Variants in HABP4 observed in about 807,000 individuals in gnomAD.
HABP4 encodes the protein intracellular hyaluronan-binding protein 4.
In HABP4, 32 loss-of-function variants were observed where a neutral mutation model predicts 44.1. That is an observed-to-expected ratio of 0.73 (90% CI 0.55 to 0.97). The LOEUF (loss-of-function observed/expected upper bound fraction) is 0.97, where lower values mean the gene tolerates loss of function less well. Among genes scored for constraint, HABP4 ranks in the 50% least tolerant of loss-of-function variants. HABP4 has a pLI of 0.00. For missense variants in HABP4, 503 were observed against 561.9 expected (o/e 0.90, Z 1.06); for synonymous variants, 216 against 218.0 (o/e 0.99, Z 0.08).
chr9:96,483,751 A>G (rs1287233609), intron 5 of HABP4: 1 of 152,204 alleles, frequency 6.6e-6, no homozygotes, highest in Admixed American at 6.5e-5. Flanking sequence ...ACCATTGCCC[A>G]GTCCAGGGTT....
rs768573343 is a variant in HABP4 at position 96,490,014 on chromosome 9, G to A, written c.1218G>A (p.Pro406=). The change falls in exon 8 of 8, where the codon CCG becomes CCA. Residue 406 remains proline (P), a synonymous_variant. Coordinates refer to ENST00000375249, the MANE Select transcript of HABP4 (RefSeq NM_014282.4). ...ATGTTGCCCCCAACCCAGATGACCC[G>A]GAAGATTTCCCTGCGCTGTCTTGAA... The part of the protein sequence containing the change: ...MQDVAPNPDD[P]EDFPALS 20 of 1,604,980 alleles carry A rather than the reference G, an allele frequency of 1.2e-5. No individual in the cohort carries two copies. Among genetic ancestry groups the A allele is most frequent in the South Asian group, 3.3e-5 (3 of 90,878 alleles).
intron 1 of HABP4, chr9:96,451,476 C>T (rs1450564072): frequency 6.1e-6 from 6 of 984,644 alleles, no homozygotes; most frequent in South Asian, 9.4e-5. Flanking sequence ...AATGAGGCAG[C>T]GGTCCCAAGG....
intron 2 of HABP4, among the ~76,000 whole-genome samples, chr9:96,464,183 C>T (rs1224143830): frequency 1.3e-5 from 2 of 152,064 alleles, no homozygotes; most frequent in Non-Finnish European, 2.9e-5. Context: ...ATAAGGGCTC[C>T]GCGTTGGGCA....
rs753920168 is a variant in HABP4 at position 96,450,458 on chromosome 9, AGGC to A, written c.192_194del (p.Ala65del). On this transcript the variant is annotated inframe_deletion, in exon 1 of 8. Transcript: ENST00000375249. The surrounding 1 kb of genome is among the most constrained non-coding windows in gnomAD (Gnocchi z 4.8). Reference sequence around the variant, plus strand: ...CAGCTGCAGCGCAAGAGGCGCGACGAGGCGGCGGCGGCGGCCGGGGCCGGTCCC... The same window carrying A: ...CAGCTGCAGCGCAAGAGGCGCGACGAGGCGGCGGCGGCCGGGGCCGGTCCC... 62 of 1,215,828 alleles carry A rather than the reference AGGC, an allele frequency of 5.1e-5. No homozygotes were observed. Among genetic ancestry groups the A allele is most frequent in the South Asian group, 1.7e-4 (5 of 30,192 alleles). 75.3% of individuals were successfully genotyped at this position (1,215,828 alleles called of 1,614,324 possible). A position where few individuals can be genotyped will look rare whatever the true frequency, so the allele number is the denominator to read the frequency against.
chr9:96,458,405 G>C lies in HABP4; in HGVS notation c.376G>C (p.Glu126Gln). ...PGQKRTPRRGEQQGWNDSRGP... is the reference protein window; with the variant it reads ...PGQKRTPRRGQQQGWNDSRGP... ...CCAGAAGCGGACTCCTAGAAGAGGG[G>C]AGCAGCAAGGATGGAATGACAGCCG... The change falls in exon 2 of 8, where the codon GAG (glutamate) becomes CAG (glutamine). Residue 126 changes from glutamate (E) to glutamine (Q), a missense_variant. Glu to Gln is a conservative substitution (Grantham distance 29, BLOSUM62 2). Around this residue, in one of 3 missense-constraint regions of HABP4, gnomAD observed 290 missense variants for 300.5 expected, o/e 0.97. Coordinates refer to ENST00000375249, the MANE Select transcript of HABP4 (RefSeq NM_014282.4). The C allele has an allele frequency of 6.2e-7, 1 of 1,614,068 alleles. No homozygotes were observed. Among genetic ancestry groups the C allele is most frequent in the Non-Finnish European group, 8.5e-7 (1 of 1,179,972 alleles).
chr9:96,473,544 C>G lies in HABP4; in HGVS notation c.827+2450C>G, dbSNP rs141083463. On this transcript the variant is annotated intron_variant, in intron 5 of 7. Transcript: ENST00000375249. ...GCCAAGGTGGTGTTCACACCGCATT[C>G]TGATTGTCATGCCCCCACCCCTTGC... 4.7e-3 allele frequency among the ~76,000 whole-genome samples: 717 copies of G among 152,314 alleles called. 6 individuals are homozygous for G. Among genetic ancestry groups the G allele is most frequent in the African/African-American group, 0.017 (693 of 41,558 alleles).
intron 5 of HABP4, among the ~76,000 whole-genome samples, chr9:96,475,573 A>C (rs1832773910): frequency 6.6e-6 from 1 of 152,330 alleles, no homozygotes; most frequent in Non-Finnish European, 1.5e-5. Flanking sequence ...CACCTGGCTC[A>C]TGTGCAGAGC....
chr9:96,472,568 C>A (rs558334715), intron 5 of HABP4, among the ~76,000 whole-genome samples: 1 of 152,316 alleles, frequency 6.6e-6, no homozygotes, highest in East Asian at 1.9e-4. Context: ...GCCATCCCCC[C>A]CGACCTCTTC....
chr9:96,488,161 G>C lies in HABP4; in HGVS notation c.1072G>C (p.Glu358Gln). ...KPANDITSQL[E>Q]INFGNLPRPG... ...CGCCAATGACATCACATCCCAGCTG[G>C]AGATTAATTTTGGTAACCTCCCTCG... Residue 358 changes from glutamate to glutamine, a missense_variant, in exon 7 of 8, where the codon GAG (glutamate) becomes CAG (glutamine). This residue lies in a region of HABP4 where 131 missense variants were observed against 189.8 expected (regional missense o/e 0.69). Coordinates refer to ENST00000375249, the MANE Select transcript of HABP4 (RefSeq NM_014282.4). This position sits in a 1 kb window ranked among gnomAD's most constrained non-coding sequence, Gnocchi z 4.6. 1 of 1,613,410 alleles carries C rather than the reference G, an allele frequency of 6.2e-7. No individual in the cohort carries two copies. Among genetic ancestry groups the C allele is most frequent in the East Asian group, 2.2e-5 (1 of 44,880 alleles).
intron 4 of HABP4, among the ~76,000 whole-genome samples, chr9:96,469,673 C>G (rs1832661159): frequency 6.6e-6 from 1 of 152,138 alleles, no homozygotes; most frequent in Non-Finnish European, 1.5e-5. Context: ...CAGGCACCCG[C>G]CACCACGCCC....
intron 4 of HABP4, 100 bp from the exon 5 acceptor site, chr9:96,470,910 AC>A (rs1171286603): frequency 1.9e-5 from 14 of 721,642 alleles, no homozygotes; most frequent in African/African-American, 3.8e-5. Flanking sequence ...AAAAAAAAAA[AC>A]CCAAAAAACC....
intron 1 of HABP4, among the ~76,000 whole-genome samples, chr9:96,453,304 G>T (rs959773068): frequency 6.6e-6 from 1 of 152,008 alleles, no homozygotes; most frequent in African/African-American, 2.4e-5. Flanking sequence ...TCGATCTCTT[G>T]ACCTCATGAT....
intron 1 of HABP4, among the ~76,000 whole-genome samples, chr9:96,456,780 A>AT (rs1165644914): frequency 3.6e-4 from 16 of 44,750 alleles, no homozygotes; most frequent in Admixed American, 7.5e-4. Context: ...AAAAAAAAAA[A>AT]ATATATATAT....
intron 5 of HABP4, among the ~76,000 whole-genome samples, chr9:96,472,683 GT>G (rs555871710): frequency 7.0e-4 from 107 of 152,218 alleles, no homozygotes; most frequent in African/African-American, 2.6e-3. Context: ...TAGTCTTCCA[GT>G]CAGCATTTAA....
chr9:96,464,129 G>A (rs1414046953), intron 2 of HABP4, among the ~76,000 whole-genome samples: 1 of 152,168 alleles, frequency 6.6e-6, no homozygotes, highest in African/African-American at 2.4e-5. Flanking sequence ...GGGAGGAGTG[G>A]CTTGGGCTCT....
upstream of HABP4, chr9:96,450,152 T>C: frequency 1.2e-6 from 1 of 859,130 alleles, no homozygotes; most frequent in Non-Finnish European, 1.5e-6. The surrounding 1 kb of genome is among the most constrained non-coding windows in gnomAD (Gnocchi z 4.8). Context: ...CGGGCGCCGG[T>C]AGGGGCCGGA....
At chr9:96,473,616 G>C (rs199977041) in intron 5 of HABP4, among the ~76,000 whole-genome samples, 2 of 152,112 alleles carry the variant, frequency 1.3e-5, no homozygotes, top group East Asian at 3.9e-4. Context: ...CCCCTGTTCT[G>C]ACCTGCAGAG....
In HABP4 at chr9:96,450,233, C is replaced by G; in HGVS notation, c.-47C>G. 2.2e-5 allele frequency: 29 copies of G among 1,321,656 alleles called. No individual in the cohort carries two copies. The highest frequency in any genetic ancestry group is 5.4e-5 in the South Asian group (3 of 55,104). The allele number at this position is 1,321,656 out of a possible 1,614,324, so 81.9% of individuals were successfully genotyped here. Reference sequence around the variant, plus strand: ...GTCCTGGCCGCCGGCTTCGCTGAGACGCGCTCGCGTGGGCTGCCCTCCCGG... The same window carrying G: ...GTCCTGGCCGCCGGCTTCGCTGAGAGGCGCTCGCGTGGGCTGCCCTCCCGG... On this transcript the variant is annotated 5_prime_UTR_variant, in exon 1 of 8. Transcript: ENST00000375249. This position sits in a 1 kb window ranked among gnomAD's most constrained non-coding sequence, Gnocchi z 4.8.
intron 5 of HABP4, 45 bp from the exon 6 acceptor site, chr9:96,484,417 A>G (rs1832934860): frequency 2.4e-6 from 2 of 843,432 alleles, no homozygotes; most frequent in Non-Finnish European, 3.8e-6. Context: ...TAGACATTTT[A>G]GTACCATCAA....
Sources: gnomAD v4.1 joint callset for allele counts (sites outside exome capture counted in the v4.1 genomes callset) on GRCh38, gnomAD v4.1.1 for gene constraint, gnomAD v4.1.1 regional missense constraint, Gnocchi (gnomAD v3.1) non-coding constraint, MANE v1.5 for transcripts, NCBI Gene and HGNC (gene_info 2026-07-23, HGNC 2026-07-21) for gene names.